MECOM: variants seen among roughly 807,000 people sequenced by gnomAD.
MECOM encodes histone-lysine N-methyltransferase MECOM.
Under a neutral mutation model 116.3 loss-of-function variants are expected in MECOM, and 13 were observed. The ratio of observed to expected loss-of-function variants is 0.11; its 90% CI spans 0.07 to 0.18. The LOEUF (loss-of-function observed/expected upper bound fraction) is 0.18, where lower values mean the gene tolerates loss of function less well. MECOM is among the 10% of genes least tolerant of loss of function. The probability of loss-of-function intolerance (pLI) is 1.00; values close to 1 mark genes in which losing one functional copy is unlikely to be tolerated. For missense variants in MECOM, 1,299 were observed against 1,509.0 expected (o/e 0.86, Z 2.31); for synonymous variants, 528 against 535.2 (o/e 0.99, Z 0.19).
At chr3:169,149,957 G>C (rs1200179929) in intron 2 of MECOM, among the ~76,000 whole-genome samples, 4 of 150,014 alleles carry the variant, frequency 2.7e-5, no homozygotes, top group South Asian at 2.1e-4. Flanking sequence ...GTGTGTGTGT[G>C]TGTGTGTGTG....
chr3:169,522,846 A>C (rs1279358188), intron 1 of MECOM, among the ~76,000 whole-genome samples: 1 of 152,172 alleles, frequency 6.6e-6, no homozygotes, highest in Non-Finnish European at 1.5e-5. Flanking sequence ...TGAAGTAGTG[A>C]ATGTTTTTAG....
At chr3:169,537,271 T>C (rs940805885) in intron 1 of MECOM, among the ~76,000 whole-genome samples, 15 of 152,228 alleles carry the variant, frequency 9.9e-5, no homozygotes, top group African/African-American at 3.6e-4. Flanking sequence ...TTCTGTGGAA[T>C]GCTGGGGAAC....
intron 2 of MECOM, among the ~76,000 whole-genome samples, chr3:169,354,110 A>T (rs1033855289): frequency 6.6e-6 from 1 of 151,890 alleles, no homozygotes; most frequent in African/African-American, 2.4e-5. Context: ...TTTTCCATTG[A>T]GAGTGGAATT....
chr3:169,267,100 G>A (rs1434193389), intron 2 of MECOM, among the ~76,000 whole-genome samples: 3 of 152,212 alleles, frequency 2.0e-5, no homozygotes, highest in Non-Finnish European at 4.4e-5. Flanking sequence ...TGCACAGCAT[G>A]GCTGACGATT....
chr3:169,292,047 C>T (rs972624703), intron 2 of MECOM, among the ~76,000 whole-genome samples: 9 of 152,124 alleles, frequency 5.9e-5, no homozygotes, highest in East Asian at 1.9e-4. Context: ...ACTAGTTTGG[C>T]GTTTTGTATT....
chr3:169,520,648 C>T (rs1757227528), intron 1 of MECOM, among the ~76,000 whole-genome samples: 3 of 152,110 alleles, frequency 2.0e-5, no homozygotes, highest in Admixed American at 2.0e-4. Flanking sequence ...CTTGGATTAT[C>T]TCATTTCTCA....
At chr3:169,146,915 G>T (rs988563198) in intron 2 of MECOM, 6 of 1,029,840 alleles carry the variant, frequency 5.8e-6, no homozygotes, top group Non-Finnish European at 7.0e-6. Context: ...ATTTCCAAAT[G>T]GGTCTCTGAC....
chr3:169,528,244 T>G (rs1043304189), intron 1 of MECOM, among the ~76,000 whole-genome samples: 9 of 152,150 alleles, frequency 5.9e-5, no homozygotes, highest in Admixed American at 5.9e-4. Context: ...ATCAAACATA[T>G]ATACAAGAGA....
chr3:169,367,948 A>G (rs1300904547), intron 2 of MECOM, among the ~76,000 whole-genome samples: 2 of 152,052 alleles, frequency 1.3e-5, no homozygotes, highest in Non-Finnish European at 2.9e-5. Context: ...AGCTATTTCT[A>G]TGAAATGTTT....
At chr3:169,417,265 AAAAC>A (rs1370912157) in intron 1 of MECOM, among the ~76,000 whole-genome samples, 19 of 149,682 alleles carry the variant, frequency 1.3e-4, no homozygotes, top group Admixed American at 6.7e-5. Context: ...TTACAAGAAA[AAAAC>A]AAACAACCCC....
intron 1 of MECOM, among the ~76,000 whole-genome samples, chr3:169,651,117 C>T (rs1030629992): frequency 1.3e-5 from 2 of 152,146 alleles, no homozygotes; most frequent in African/African-American, 4.8e-5. Context: ...AACTTTTCCC[C>T]ACTCAGTGTT....
chr3:169,111,059 G>C (rs989817438), intron 9 of MECOM, among the ~76,000 whole-genome samples: 1 of 152,136 alleles, frequency 6.6e-6, no homozygotes, highest in Admixed American at 6.6e-5. Context: ...ATGAATGGTT[G>C]ACAAAACTGC....
intron 9 of MECOM, 91 bp from the exon 10 acceptor site, chr3:169,108,043 AACTT>A (rs1726037125): frequency 9.2e-7 from 1 of 1,092,236 alleles, no homozygotes; most frequent in Non-Finnish European, 1.4e-6. Context: ...CATTTGTACT[AACTT>A]AGTAATTTTT....
intron 10 of MECOM, among the ~76,000 whole-genome samples, chr3:169,105,722 A>T (rs947651486): frequency 6.6e-6 from 1 of 152,116 alleles, no homozygotes. Flanking sequence ...TTATTTACAT[A>T]TATAATAGTT....
chr3:169,186,736 A>G (rs1746835579), intron 2 of MECOM, among the ~76,000 whole-genome samples: 1 of 152,110 alleles, frequency 6.6e-6, no homozygotes, highest in Admixed American at 6.6e-5. Flanking sequence ...TAACTAACGA[A>G]CCTTGACTAA....
At chr3:169,561,472 AAAG>A (rs1411193412) in intron 1 of MECOM, among the ~76,000 whole-genome samples, 1 of 152,240 alleles carries the variant, frequency 6.6e-6, no homozygotes, top group Non-Finnish European at 1.5e-5. Flanking sequence ...TTGATAAGGG[AAAG>A]AAGATCAGGA....
chr3:169,151,707 G>T (rs2149326872), intron 2 of MECOM, among the ~76,000 whole-genome samples: 1 of 152,192 alleles, frequency 6.6e-6, no homozygotes, highest in Admixed American at 6.5e-5. Context: ...TGTTTAAAAA[G>T]AAAATCAATG....
intron 2 of MECOM, among the ~76,000 whole-genome samples, chr3:169,189,335 C>T (rs1747208454): frequency 6.6e-6 from 1 of 151,800 alleles, no homozygotes; most frequent in African/African-American, 2.4e-5. Context: ...TTCCCTACAG[C>T]AGTATCAATA....
chr3:169,617,038 A>G (rs1260196470), intron 1 of MECOM, among the ~76,000 whole-genome samples: 2 of 152,198 alleles, frequency 1.3e-5, no homozygotes, highest in Non-Finnish European at 2.9e-5. Context: ...CTAGGGTTAT[A>G]TCTCTATTTT....
Sources: allele counts gnomAD v4.1 joint callset (sites outside exome capture counted in the v4.1 genomes callset), GRCh38; gene constraint gnomAD v4.1.1; transcripts MANE v1.5; gene names NCBI Gene and HGNC (gene_info 2026-07-23, HGNC 2026-07-21).